EFHC2: variants seen among roughly 807,000 people sequenced by gnomAD.
EFHC2 encodes the protein EF-hand domain-containing family member C2.
In EFHC2, 18 loss-of-function variants were observed where a neutral mutation model predicts 52.7. The observed-to-expected ratio is 0.34, with a 90% CI of 0.24 to 0.51. The LOEUF (loss-of-function observed/expected upper bound fraction) is 0.51. EFHC2 is among the 20% of genes least tolerant of loss of function. EFHC2 has a pLI of 0.97. For synonymous variants in EFHC2, 203 were observed against 204.1 expected, an observed-to-expected ratio of 0.99 and a Z score of 0.04; for missense variants, 513 against 562.5, an observed-to-expected ratio of 0.91 and a Z score of 0.89.
intron 4 of EFHC2, among the ~76,000 whole-genome samples, chrX:44,255,362 C>T (rs1472227858): frequency 9.0e-6 from 1 of 111,390 alleles, no homozygotes; most frequent in African/African-American, 3.3e-5. Flanking sequence ...CATCAGTGTG[C>T]TGTATTCAGG....
At chrX:44,340,469 T>C (rs2038145196) in intron 1 of EFHC2, among the ~76,000 whole-genome samples, 1 of 108,887 alleles carries the variant, frequency 9.2e-6, no homozygotes, top group African/African-American at 3.4e-5. Context: ...CTGGCCAACA[T>C]GGTGAAACCC....
In EFHC2 at chrX:44,232,669, C is replaced by T. The variant is rs1431426700; in HGVS notation, c.1432G>A (p.Gly478Ser). ...EPIERNSGIA[G>S]GMFLKRSRVK... ...CGACTTCTTTTCAAGAACATCCCAC[C>T]AGCAATTCCTATAAAAAATAGAAAA... Residue 478 changes from glycine to serine, a missense_variant, in exon 10 of 15, where the codon GGT (glycine) becomes AGT (serine). By Grantham distance (56) the Gly-to-Ser change is moderately conservative. Coordinates refer to ENST00000420999, the MANE Select transcript of EFHC2 (RefSeq NM_025184.4). 1 of 1,189,473 alleles carries T rather than the reference C, an allele frequency of 8.4e-7. No homozygotes were observed. The highest frequency in any genetic ancestry group is 1.1e-6 in the Non-Finnish European group (1 of 884,371).
intron 2 of EFHC2, among the ~76,000 whole-genome samples, chrX:44,286,450 T>C (rs1431140651): frequency 9.0e-6 from 1 of 111,654 alleles, no homozygotes; most frequent in Non-Finnish European, 1.9e-5. Context: ...TGGGGTACAA[T>C]GGGATGGCAG....
chrX:44,313,484 T>A (rs1189282600), intron 1 of EFHC2, among the ~76,000 whole-genome samples: 2 of 112,040 alleles, frequency 1.8e-5, no homozygotes, highest in Non-Finnish European at 3.8e-5. Context: ...GCCAATCCAC[T>A]CCTACAGAAG....
At chrX:44,191,894 C>T (rs1215018369) in intron 11 of EFHC2, among the ~76,000 whole-genome samples, 1 of 111,835 alleles carries the variant, frequency 8.9e-6, no homozygotes, top group Non-Finnish European at 1.9e-5. Flanking sequence ...TATGATTTCA[C>T]ATTCAGATAA....
chrX:44,280,188 T>C (rs2037691857), intron 2 of EFHC2, among the ~76,000 whole-genome samples: 4 of 110,796 alleles, frequency 3.6e-5, no homozygotes, highest in Admixed American at 2.9e-4. Flanking sequence ...TACTTATGAT[T>C]TACAGAAGAT....
At chrX:44,243,783 T>G (rs1040208199) in intron 7 of EFHC2, among the ~76,000 whole-genome samples, 4 of 107,154 alleles carry the variant, frequency 3.7e-5, no homozygotes, top group Admixed American at 9.7e-5. Context: ...ATTGCTATTT[T>G]TATGGTGATT....
At chrX:44,326,012 C>T (rs1337577037) in intron 1 of EFHC2, among the ~76,000 whole-genome samples, 1 of 108,022 alleles carries the variant, frequency 9.3e-6, no homozygotes, top group Non-Finnish European at 1.9e-5. Flanking sequence ...CCCACCTCAG[C>T]CTCCTGAGTA....
At chrX:44,269,023 CTCATACTAATCT>C (rs946342515) in intron 3 of EFHC2, among the ~76,000 whole-genome samples, 8 of 110,452 alleles carry the variant, frequency 7.2e-5, no homozygotes, top group African/African-American at 2.6e-4. Context: ...ATATTACCTC[CTCATACTAATCT>C]TCGTCTTTTC....
At chrX:44,282,369 C>T (rs937529870) in intron 2 of EFHC2, among the ~76,000 whole-genome samples, 3 of 101,976 alleles carry the variant, frequency 2.9e-5, no homozygotes, top group East Asian at 3.2e-4. Context: ...TTTGGGAGGC[C>T]GAGGCAGGTG....
At chrX:44,212,018 T>G (rs1464686197) in intron 11 of EFHC2, among the ~76,000 whole-genome samples, 2 of 109,267 alleles carry the variant, frequency 1.8e-5, no homozygotes, top group Non-Finnish European at 3.8e-5. Context: ...AGCAGAAACC[T>G]CTGTGGGAAC....
At chrX:44,178,129 T>TCTCACACACACACACACACACA (rs779701339) in intron 12 of EFHC2, among the ~76,000 whole-genome samples, 1 of 83,951 alleles carries the variant, frequency 1.2e-5, no homozygotes, top group Non-Finnish European at 2.3e-5. Flanking sequence ...AGATGCCATA[T>TCTCACACACACACACACACACA]CACACACACA....
At position 44,232,786 on chromosome X, in the gene EFHC2, G is replaced by A. The variant is rs945977542; in HGVS notation, c.1424-109C>T. 9 of 659,148 alleles carry A rather than the reference G, an allele frequency of 1.4e-5. No homozygotes were observed. The East Asian group carries it at 3.3e-4, about 24-fold the overall frequency. 54.3% of individuals were successfully genotyped at this position (659,148 alleles called of 1,213,427 possible). ...GCACAGACCACCATATAAGTTACCT[G>A]TGAACTCATATTGCCTGTTATTTTT... On this transcript the variant is annotated intron_variant, in intron 9 of 14. Transcript: ENST00000420999.
chrX:44,331,463 C>T (rs1055350630), intron 1 of EFHC2, among the ~76,000 whole-genome samples: 1 of 111,449 alleles, frequency 9.0e-6, no homozygotes, highest in African/African-American at 3.3e-5. Context: ...TGTTTTATAC[C>T]TTTACTGTGG....
At chrX:44,341,544 G>C (rs1047690572) in intron 1 of EFHC2, among the ~76,000 whole-genome samples, 1 of 112,104 alleles carries the variant, frequency 8.9e-6, no homozygotes, top group African/African-American at 3.2e-5. Context: ...GACCTCCCAG[G>C]CTCAAATGAT....
intron 13 of EFHC2, among the ~76,000 whole-genome samples, chrX:44,169,583 C>T (rs1355817081): frequency 9.0e-6 from 1 of 111,008 alleles, no homozygotes; most frequent in Non-Finnish European, 1.9e-5. Context: ...GCCTTAAAAT[C>T]TTAGCAATAG....
At chrX:44,244,730 C>T (rs747177209) in intron 7 of EFHC2, among the ~76,000 whole-genome samples, 5 of 112,064 alleles carry the variant, frequency 4.5e-5, no homozygotes, top group Admixed American at 9.4e-5. Context: ...GTTACCTCAA[C>T]GTTCACTGCT....
intron 2 of EFHC2, among the ~76,000 whole-genome samples, chrX:44,282,615 C>A (rs1207254976): frequency 6.6e-4 from 1 of 1,504 alleles, no homozygotes; most frequent in African/African-American, 4.4e-3. Flanking sequence ...GACTCCCTCT[C>A]GGGGCGGGGG....
At chrX:44,316,483 C>T (rs577612614) in intron 1 of EFHC2, among the ~76,000 whole-genome samples, 37 of 111,663 alleles carry the variant, frequency 3.3e-4, no homozygotes, top group African/African-American at 1.1e-3. Flanking sequence ...GCACAAGCAA[C>T]AAAAGGAAAA....
Sources: gnomAD v4.1 joint callset for allele counts (sites outside exome capture counted in the v4.1 genomes callset) on GRCh38, gnomAD v4.1.1 for gene constraint, MANE v1.5 for transcripts, NCBI Gene and HGNC (gene_info 2026-07-23, HGNC 2026-07-21) for gene names.